Variants in NLGN1 observed in about 807,000 individuals in gnomAD.
NLGN1 encodes the protein neuroligin 1, also known as neuroligin-1.
NLGN1 carries 12 observed loss-of-function variants against 65.5 expected under a neutral mutation model. The ratio of observed to expected loss-of-function variants is 0.18; its 90% CI spans 0.12 to 0.30. The LOEUF (loss-of-function observed/expected upper bound fraction) is 0.30, where lower values mean the gene tolerates loss of function less well. Ranked by LOEUF, NLGN1 falls within the 10% of genes least tolerant of loss-of-function variation. The pLI is 1.00. For missense variants in NLGN1, 750 were observed against 1,007.1 expected (o/e 0.74, Z 3.46); for synonymous variants, 350 against 359.5 (o/e 0.97, Z 0.30).
chr3:174,082,031 A>T lies in NLGN1; in HGVS notation c.647-193284A>T, dbSNP rs989086375. ...GTGAGCCATTTAGGCTGTAAGATTG[A>T]TACTGAAAAATGTACAATGGCTGCA... On this transcript the variant is annotated intron_variant, in intron 4 of 6. Transcript: ENST00000457714. Among the ~76,000 whole-genome samples the T allele has an allele frequency of 5.9e-5, 9 of 152,324 alleles. No homozygotes were observed. The East Asian group carries it at 1.5e-3, about 26-fold the overall frequency.
At position 174,036,762 on chromosome 3, in the gene NLGN1, G is replaced by A. The variant is rs150015649; in HGVS notation, c.646+228930G>A. Among the ~76,000 whole-genome samples, 501 of 151,904 alleles carry A rather than the reference G, an allele frequency of 3.3e-3. 1 individual carries two copies. Among genetic ancestry groups the A allele is most frequent in the Non-Finnish European group, 5.5e-3 (374 of 67,926 alleles). On this transcript the variant is annotated intron_variant, in intron 4 of 6. Coordinates refer to ENST00000457714, the Ensembl canonical transcript of NLGN1. ...GATCCTCTCCCTCTGCCCACCCTGT[G>A]CCCTCCAATAGACCCCAGTGTGTGG...
At chr3:173,928,100 T>A (rs2152278837) in intron 4 of NLGN1, among the ~76,000 whole-genome samples, 1 of 152,354 alleles carries the variant, frequency 6.6e-6, no homozygotes, top group African/African-American at 2.4e-5. Context: ...ATTGTGATTA[T>A]TCTTAACAAC....
At chr3:174,160,042 A>G (rs1726203654) in intron 4 of NLGN1, among the ~76,000 whole-genome samples, 1 of 151,690 alleles carries the variant, frequency 6.6e-6, no homozygotes, top group Non-Finnish European at 1.5e-5. Flanking sequence ...CCTGATTTTT[A>G]GCATGAATTC....
chr3:173,717,678 A>G (rs182512075), intron 3 of NLGN1, among the ~76,000 whole-genome samples: 1 of 152,256 alleles, frequency 6.6e-6, no homozygotes, highest in Non-Finnish European at 1.5e-5. Context: ...GCAAGATAAG[A>G]GTGAGTAATG....
At chr3:173,602,049 CG>C (rs1454035487) in intron 2 of NLGN1, among the ~76,000 whole-genome samples, 1 of 152,020 alleles carries the variant, frequency 6.6e-6, no homozygotes, top group Non-Finnish European at 1.5e-5. Context: ...CAGATAGCAA[CG>C]GGCTCCTGGA....
Position 173,415,904 on chromosome 3 carries a change from T to TATATAGAGAG in NLGN1, c.-390+17418_-390+17419insTATAGAGAGA, listed in dbSNP as rs1380777305. Among the ~76,000 whole-genome samples, 613 of 125,428 alleles carry TATATAGAGAG rather than the reference T, an allele frequency of 4.9e-3. 5 individuals are homozygous for TATATAGAGAG. The highest frequency in any genetic ancestry group is 0.018 in the African/African-American group (557 of 30,476). 82.3% of individuals were successfully genotyped at this position (125,428 alleles called of 152,430 possible). ...TGCAAGGAGTAAATATATATATATATAGAGAGAGAGAGAGGGAGAGAGAGA... is the reference window on the plus strand; with the variant it reads ...TGCAAGGAGTAAATATATATATATATATATAGAGAGAGAGAGAGAGAGAGGGAGAGAGAGA... On this transcript the variant is annotated intron_variant, in intron 1 of 6. Coordinates refer to ENST00000457714, the Ensembl canonical transcript of NLGN1.
intron 4 of NLGN1, among the ~76,000 whole-genome samples, chr3:174,039,101 G>A (rs1361161325): frequency 1.3e-5 from 2 of 152,084 alleles, no homozygotes; most frequent in Non-Finnish European, 2.9e-5. Flanking sequence ...GTTTCCCATA[G>A]CGTGAGACTC....
chr3:173,558,666 C>A (rs1180466349), intron 2 of NLGN1, among the ~76,000 whole-genome samples: 1 of 152,048 alleles, frequency 6.6e-6, no homozygotes. Flanking sequence ...TCTCTTCATT[C>A]ATTATATCCA....
At chr3:174,271,199 T>G (rs1385645577) in intron 4 of NLGN1, among the ~76,000 whole-genome samples, 1 of 151,864 alleles carries the variant, frequency 6.6e-6, no homozygotes, top group Non-Finnish European at 1.5e-5. Flanking sequence ...CACTCAAATA[T>G]GCTCCTACCT....
At chr3:173,950,919 T>G (rs780790920) in intron 4 of NLGN1, among the ~76,000 whole-genome samples, 1 of 152,144 alleles carries the variant, frequency 6.6e-6, no homozygotes, top group Non-Finnish European at 1.5e-5. Flanking sequence ...CAGGCTAGAG[T>G]GCAGTGGCGT....
At chr3:173,546,102 A>G (rs1739780904) in intron 2 of NLGN1, among the ~76,000 whole-genome samples, 1 of 152,216 alleles carries the variant, frequency 6.6e-6, no homozygotes, top group Non-Finnish European at 1.5e-5. Context: ...TTTTTAAAAA[A>G]TTCAAATGGT....
At chr3:173,675,887 T>TCTCTCTCTCTCTCACA (rs756157881) in intron 3 of NLGN1, among the ~76,000 whole-genome samples, 24 of 138,578 alleles carry the variant, frequency 1.7e-4, no homozygotes, top group African/African-American at 6.5e-4. Context: ...TCTCTCTCTC[T>TCTCTCTCTCTCTCACA]CACACACACA....
At chr3:173,632,574 G>A (rs1755856802) in intron 3 of NLGN1, among the ~76,000 whole-genome samples, 1 of 152,166 alleles carries the variant, frequency 6.6e-6, no homozygotes, top group African/African-American at 2.4e-5. Context: ...TTTTAGCTCT[G>A]TCATACCTAT....
intron 2 of NLGN1, among the ~76,000 whole-genome samples, chr3:173,575,642 GTCATTTTCT>G (rs1263713940): frequency 6.6e-6 from 1 of 152,108 alleles, no homozygotes; most frequent in Non-Finnish European, 1.5e-5. Flanking sequence ...ATCCTTGGCT[GTCATTTTCT>G]TCTAAAAATA....
At chr3:174,037,616 T>C (rs1731422597) in intron 4 of NLGN1, among the ~76,000 whole-genome samples, 1 of 152,050 alleles carries the variant, frequency 6.6e-6, no homozygotes, top group Non-Finnish European at 1.5e-5. Context: ...GGTGAGGAAA[T>C]AGGAAAGAAA....
intron 4 of NLGN1, among the ~76,000 whole-genome samples, chr3:173,916,994 G>A (rs1175704480): frequency 3.9e-5 from 6 of 152,142 alleles, no homozygotes; most frequent in Admixed American, 3.9e-4. Context: ...TACAATTGCT[G>A]AATAAGCTAG....
At chr3:173,447,846 AT>A (rs1214284583) in intron 2 of NLGN1, among the ~76,000 whole-genome samples, 2 of 152,098 alleles carry the variant, frequency 1.3e-5, no homozygotes, top group Non-Finnish European at 2.9e-5. Context: ...TTCATTCATG[AT>A]TTGGCTCTCT....
At chr3:174,273,620 A>T (rs11927553) in intron 4 of NLGN1, among the ~76,000 whole-genome samples, 1,816 of 151,854 alleles carry the variant, frequency 0.012, 24 homozygotes, top group African/African-American at 0.023. Flanking sequence ...TATTATGCAA[A>T]TTCAAAGAGA....
intron 4 of NLGN1, among the ~76,000 whole-genome samples, chr3:174,130,941 T>TA (rs1020444925): frequency 7.2e-5 from 11 of 151,914 alleles, no homozygotes; most frequent in Non-Finnish European, 1.3e-4. Context: ...ACAGTGACAA[T>TA]AAAAAAAATT....
Sources: gnomAD v4.1 joint callset for allele counts (sites outside exome capture counted in the v4.1 genomes callset) on GRCh38, gnomAD v4.1.1 for gene constraint, MANE v1.5 for transcripts, NCBI Gene and HGNC (gene_info 2026-07-23, HGNC 2026-07-21) for gene names.